Variants in DAB1 observed in about 807,000 individuals in gnomAD.
The protein encoded by DAB1 is DAB adaptor protein 1, also known as disabled homolog 1.
DAB1 carries 15 observed loss-of-function variants against 64.6 expected under a neutral mutation model. The ratio of observed to expected loss-of-function variants is 0.23; its 90% CI spans 0.16 to 0.36. The LOEUF is 0.36. Among genes scored for constraint, DAB1 ranks in the 10% least tolerant of loss-of-function variants. The pLI, the probability that DAB1 is intolerant of heterozygous loss-of-function variation, is 1.00. For missense variants in DAB1, 596 were observed against 706.7 expected (o/e 0.84, Z 1.78); for synonymous variants, 235 against 251.9 (o/e 0.93, Z 0.64).
chr1:57,271,220 C>A (rs553953228), intron 2 of DAB1, among the ~76,000 whole-genome samples: 12 of 152,196 alleles, frequency 7.9e-5, no homozygotes, highest in Admixed American at 1.3e-4. Flanking sequence ...CATAGGGTGC[C>A]GGATGGCTAT....
intron 5 of DAB1, among the ~76,000 whole-genome samples, chr1:58,118,534 A>C (rs1382797662): frequency 1.6e-5 from 2 of 127,922 alleles, no homozygotes; most frequent in African/African-American, 6.2e-5. Flanking sequence ...ATATATATAT[A>C]AAATACATAT....
intron 3 of DAB1, among the ~76,000 whole-genome samples, chr1:58,480,203 T>C (rs1645459981): frequency 6.6e-6 from 1 of 152,146 alleles, no homozygotes; most frequent in Non-Finnish European, 1.5e-5. Flanking sequence ...TTGGGGACAG[T>C]GCCTTGCCTC....
chr1:57,558,049 G>T (rs1645010981), intron 7 of DAB1, among the ~76,000 whole-genome samples: 1 of 152,188 alleles, frequency 6.6e-6, no homozygotes. Context: ...AGCCTTGCCA[G>T]ATCTCTACTG....
chr1:57,791,360 ACTT>A (rs976024166), intron 6 of DAB1, among the ~76,000 whole-genome samples: 25 of 152,056 alleles, frequency 1.6e-4, no homozygotes, highest in African/African-American at 5.8e-4. Flanking sequence ...TTCCATTCCT[ACTT>A]CTACTTTTAC....
intron 2 of DAB1, among the ~76,000 whole-genome samples, chr1:57,152,057 G>C (rs1305615513): frequency 2.0e-4 from 30 of 152,042 alleles, no homozygotes; most frequent in Admixed American, 2.0e-3. Flanking sequence ...CAAGTGATCT[G>C]CCTGCCTCGG....
At chr1:58,458,301 A>G (rs565789776) in intron 3 of DAB1, among the ~76,000 whole-genome samples, 4 of 152,218 alleles carry the variant, frequency 2.6e-5, no homozygotes, top group African/African-American at 9.6e-5. Flanking sequence ...GTCTAGTGAG[A>G]CAGGCAGACA....
At chr1:57,873,496 C>A (rs1643989799) in intron 1 of DAB1, among the ~76,000 whole-genome samples, 1 of 152,092 alleles carries the variant, frequency 6.6e-6, no homozygotes, top group Admixed American at 6.6e-5. Context: ...GTAGAGGAAG[C>A]CAAGTAGTTT....
At chr1:57,093,724 G>T (rs1201305313) in intron 4 of DAB1, among the ~76,000 whole-genome samples, 2 of 152,112 alleles carry the variant, frequency 1.3e-5, no homozygotes, top group Non-Finnish European at 2.9e-5. Flanking sequence ...GGTAAAATGG[G>T]AATAGTAAAC....
At chr1:57,610,673 G>A (rs1279016860) in intron 7 of DAB1, among the ~76,000 whole-genome samples, 1 of 152,298 alleles carries the variant, frequency 6.6e-6, no homozygotes, top group East Asian at 1.9e-4. Context: ...TCTTCACAGG[G>A]CAGCAGGAGA....
In DAB1 at chr1:57,636,108, A is replaced by C. The variant is rs568947381; in HGVS notation, n.625+13484T>G. ...CGAGACACGGTCTCAAAAAAAAAAAAAAAAACAAAAACAAAAAACTGGTGC... is the reference window on the plus strand; with the variant it reads ...CGAGACACGGTCTCAAAAAAAAAAACAAAAACAAAAACAAAAAACTGGTGC... On this transcript the variant is annotated intron_variant and non_coding_transcript_variant, in intron 7 of 20. Transcript: ENST00000485760. Among the ~76,000 whole-genome samples, 62 of 149,666 alleles carry C rather than the reference A, an allele frequency of 4.1e-4. 1 individual carries two copies. The highest frequency in any genetic ancestry group is 5.7e-4 in the African/African-American group (23 of 40,156).
Position 57,101,983 on chromosome 1 carries a change from T to C in DAB1, c.307-29569A>G, listed in dbSNP as rs370848561. Among the ~76,000 whole-genome samples, 6 of 152,364 alleles carry C rather than the reference T, an allele frequency of 3.9e-5. No homozygotes were observed. In the East Asian group the frequency reaches 9.6e-4, roughly 24 times the overall value. ...GGAGCTGAGATTTGAATCCAGGCTG[T>C]CTGGCTCTAGAGCCTGTGCTTTAAA... On this transcript the variant is annotated intron_variant, in intron 4 of 14. Transcript: ENST00000371236.
intron 7 of DAB1, among the ~76,000 whole-genome samples, chr1:57,624,421 TGG>T (rs891408388): frequency 5.9e-5 from 9 of 152,254 alleles, no homozygotes; most frequent in Admixed American, 4.6e-4. Flanking sequence ...AACAAAAATG[TGG>T]TTGGGCATAC....
chr1:57,292,696 A>G (rs1672871443), intron 1 of DAB1, among the ~76,000 whole-genome samples: 1 of 152,150 alleles, frequency 6.6e-6, no homozygotes. Context: ...GGCCAGATAC[A>G]AATACTAGCT....
intron 4 of DAB1, among the ~76,000 whole-genome samples, chr1:58,321,221 A>G (rs1246198947): frequency 6.6e-6 from 1 of 152,240 alleles, no homozygotes; most frequent in Non-Finnish European, 1.5e-5. Flanking sequence ...TCTGTTTTCC[A>G]GTTTAGATCC....
intron 1 of DAB1, among the ~76,000 whole-genome samples, chr1:57,832,090 C>A (rs1014294423): frequency 6.6e-6 from 1 of 152,256 alleles, no homozygotes; most frequent in Non-Finnish European, 1.5e-5. Context: ...ACAATTAAAT[C>A]ATATATCCAT....
intron 1 of DAB1, among the ~76,000 whole-genome samples, chr1:57,405,892 A>G (rs1024932003): frequency 7.2e-5 from 11 of 152,362 alleles, no homozygotes; most frequent in African/African-American, 2.6e-4. Context: ...AGTTAATTGC[A>G]GAGAAGGCTA....
At chr1:57,048,527 A>T (rs1648812549) in intron 9 of DAB1, among the ~76,000 whole-genome samples, 2 of 152,208 alleles carry the variant, frequency 1.3e-5, no homozygotes, top group Admixed American at 6.5e-5. Context: ...ATGGGAAATA[A>T]CCTGAAAAAC....
chr1:57,949,040 T>C (rs1399354840), intron 5 of DAB1, among the ~76,000 whole-genome samples: 2 of 152,166 alleles, frequency 1.3e-5, no homozygotes, highest in African/African-American at 4.8e-5. Flanking sequence ...TACATGCTCC[T>C]CCTTTAACCT....
intron 4 of DAB1, among the ~76,000 whole-genome samples, chr1:57,115,893 C>T (rs1656062465): frequency 6.6e-6 from 1 of 152,120 alleles, no homozygotes; most frequent in African/African-American, 2.4e-5. Context: ...CTTCAAAGGG[C>T]CTGATTATCA....
Sources: allele counts gnomAD v4.1 joint callset (sites outside exome capture counted in the v4.1 genomes callset), GRCh38; gene constraint gnomAD v4.1.1; transcripts MANE v1.5; gene names NCBI Gene and HGNC (gene_info 2026-07-23, HGNC 2026-07-21).